C3orf70: variants seen among roughly 807,000 people sequenced by gnomAD.
C3orf70 encodes UPF0524 protein C3orf70.
C3orf70 carries 15 observed loss-of-function variants against 20.7 expected under a neutral mutation model. The ratio of observed to expected loss-of-function variants is 0.72; its 90% CI spans 0.48 to 1.11. The LOEUF (loss-of-function observed/expected upper bound fraction) is 1.11. Ranked by LOEUF, C3orf70 falls within the 50% of genes most tolerant of loss-of-function variation. C3orf70 has a pLI of 0.00. For synonymous variants in C3orf70, 161 were observed against 125.7 expected (o/e 1.28, Z -1.88); for missense variants, 332 against 317.6 (o/e 1.05, Z -0.34).
chr3:185,126,591 C>T lies in C3orf70; in HGVS notation c.196+26037G>A, dbSNP rs16859662. Among the ~76,000 whole-genome samples, 1,095 of 152,208 alleles carry T rather than the reference C, an allele frequency of 7.2e-3. 20 individuals are homozygous for T. Among genetic ancestry groups the T allele is most frequent in the African/African-American group, 0.025 (1,044 of 41,512 alleles). ...ACTGAGGAAACTCAAAATGGACTTC[C>T]GACTTCCACGTTTTAATTCGTCTTA... On this transcript the variant is annotated intron_variant, in intron 1 of 1. Coordinates refer to ENST00000335012, the MANE Select transcript of C3orf70 (RefSeq NM_001025266.3).
At chr3:185,138,772 C>G (rs1423233031) in intron 1 of C3orf70, among the ~76,000 whole-genome samples, 1 of 152,060 alleles carries the variant, frequency 6.6e-6, no homozygotes. Flanking sequence ...TAAAGAACAT[C>G]TACAAAAAAT....
chr3:185,123,507 C>CT (rs35575125), intron 1 of C3orf70, among the ~76,000 whole-genome samples: 16,296 of 140,198 alleles, frequency 0.12, 1,173 homozygotes, highest in African/African-American at 0.21. Context: ...TTTTTCTTTC[C>CT]TTTTTTTTTT....
At chr3:185,119,215 G>A (rs1043185594) in intron 1 of C3orf70, among the ~76,000 whole-genome samples, 5 of 152,102 alleles carry the variant, frequency 3.3e-5, no homozygotes, top group Non-Finnish European at 5.9e-5. Flanking sequence ...CCTAAACCAA[G>A]AACATACCAA....
At chr3:185,135,389 G>A (rs1471858981) in intron 1 of C3orf70, among the ~76,000 whole-genome samples, 1 of 152,194 alleles carries the variant, frequency 6.6e-6, no homozygotes, top group East Asian at 1.9e-4. Context: ...GGGAGGCTGA[G>A]GCAGGCAGAA....
At chr3:185,087,062 A>G (rs1715472563) in intron 1 of C3orf70, among the ~76,000 whole-genome samples, 1 of 151,838 alleles carries the variant, frequency 6.6e-6, no homozygotes, top group Non-Finnish European at 1.5e-5. Flanking sequence ...ATCAGATTCA[A>G]TTATGTTTAC....
chr3:185,147,759 GCT>G (rs1406012418), intron 1 of C3orf70, among the ~76,000 whole-genome samples: 1 of 152,122 alleles, frequency 6.6e-6, no homozygotes, highest in Non-Finnish European at 1.5e-5. Context: ...AGCTCCTAAC[GCT>G]CTGTTCTCTT....
chr3:185,145,844 T>A (rs1244562804), intron 1 of C3orf70, among the ~76,000 whole-genome samples: 2 of 152,264 alleles, frequency 1.3e-5, no homozygotes, highest in African/African-American at 4.8e-5. Context: ...TGCCTGCACA[T>A]AGCCATGATG....
chr3:185,108,589 T>C (rs546207092), intron 1 of C3orf70, among the ~76,000 whole-genome samples: 2 of 152,346 alleles, frequency 1.3e-5, no homozygotes, highest in African/African-American at 4.8e-5. Context: ...GCCAATCGCC[T>C]AGTTGCTAAG....
At chr3:185,085,614 G>A (rs1715443341) in intron 1 of C3orf70, among the ~76,000 whole-genome samples, 1 of 149,898 alleles carries the variant, frequency 6.7e-6, no homozygotes, top group African/African-American at 2.5e-5. Flanking sequence ...ACCTGCCTGG[G>A]GGAACTATGT....
At chr3:185,113,105 G>GT (rs1244031051) in intron 1 of C3orf70, among the ~76,000 whole-genome samples, 6 of 151,832 alleles carry the variant, frequency 4.0e-5, no homozygotes, top group Non-Finnish European at 5.9e-5. Flanking sequence ...TCAAATAGAA[G>GT]TTTTTATCTA....
At position 185,080,120 on chromosome 3, in the gene C3orf70, T is replaced by G. The variant is rs751942129; in HGVS notation, c.*2887A>C. 6.6e-6 allele frequency: 1 copy of G among 152,662 alleles called. No homozygotes were observed. The highest frequency in any genetic ancestry group is 1.5e-5 in the Non-Finnish European group (1 of 68,032). 9.5% of individuals were successfully genotyped at this position (152,662 alleles called of 1,614,324 possible). On this transcript the variant is annotated 3_prime_UTR_variant, in exon 2 of 2. Transcript: ENST00000335012. The stretch of plus-strand genomic sequence containing the variant: ...AGTGCTAGGACAAAAATAAATCTTG[T>G]GCTTATTTAGAAAAGGTCATTTTGA...
At chr3:185,110,039 C>T (rs777546622) in intron 1 of C3orf70, among the ~76,000 whole-genome samples, 21 of 152,100 alleles carry the variant, frequency 1.4e-4, no homozygotes, top group Non-Finnish European at 3.1e-4. Flanking sequence ...ACAAAACGGT[C>T]GGATGGCAGA....
At chr3:185,098,860 G>C (rs186763278) in intron 1 of C3orf70, among the ~76,000 whole-genome samples, 5 of 152,300 alleles carry the variant, frequency 3.3e-5, no homozygotes, top group East Asian at 3.9e-4. Context: ...TCCCAAGCAA[G>C]AGAAAAATCT....
At chr3:185,133,599 GC>G (rs200478404) in intron 1 of C3orf70, among the ~76,000 whole-genome samples, 2,370 of 152,136 alleles carry the variant, frequency 0.016, 23 homozygotes, top group Non-Finnish European at 0.024. Context: ...AAAAAAATTA[GC>G]CAGGCATGGT....
chr3:185,077,789 T>TGGGG lies in C3orf70; in HGVS notation c.*5214_*5217dup, dbSNP rs10663284. Among the ~76,000 whole-genome samples the TGGGG allele has an allele frequency of 0.027, 3,382 of 123,324 alleles. 48 individuals are homozygous for TGGGG. Among genetic ancestry groups the TGGGG allele is most frequent in the East Asian group, 0.074 (274 of 3,716 alleles). The allele number at this position is 123,324 out of a possible 152,430, so 80.9% of individuals were successfully genotyped here. A position where few individuals can be genotyped will look rare whatever the true frequency, so the allele number is the denominator to read the frequency against. On this transcript the variant is annotated 3_prime_UTR_variant, in exon 2 of 2. Transcript: ENST00000335012. ...TGAAATAAATGCTATTTGGTGGTGG[T>TGGGG]GGGGGGGGGGTATCAAGTTTTATTT...
At chr3:185,089,508 C>T (rs868789573) in intron 1 of C3orf70, among the ~76,000 whole-genome samples, 23 of 152,304 alleles carry the variant, frequency 1.5e-4, no homozygotes, top group African/African-American at 5.1e-4. Context: ...TAAGAACTTA[C>T]ACACATTCTT....
chr3:185,103,754 A>G (rs1028084991), intron 1 of C3orf70, among the ~76,000 whole-genome samples: 1 of 152,190 alleles, frequency 6.6e-6, no homozygotes, highest in Admixed American at 6.5e-5. Context: ...GCAAAAATAG[A>G]GCAGCCTGGG....
At chr3:185,092,307 T>C (rs1371466090) in intron 1 of C3orf70, among the ~76,000 whole-genome samples, 1 of 152,092 alleles carries the variant, frequency 6.6e-6, no homozygotes, top group African/African-American at 2.4e-5. Flanking sequence ...CAAGCCACTC[T>C]AGAGCTTTTC....
At chr3:185,146,047 T>C (rs77511063) in intron 1 of C3orf70, among the ~76,000 whole-genome samples, 1 of 151,764 alleles carries the variant, frequency 6.6e-6, no homozygotes, top group East Asian at 1.9e-4. Flanking sequence ...ACCTATCAGC[T>C]TTCTCTGTCT....
Sources: allele counts gnomAD v4.1 joint callset (sites outside exome capture counted in the v4.1 genomes callset), GRCh38; gene constraint gnomAD v4.1.1; transcripts MANE v1.5; gene names NCBI Gene and HGNC (gene_info 2026-07-23, HGNC 2026-07-21).